Variants in LRRC53 observed in about 807,000 individuals in gnomAD.
LRRC53 encodes leucine-rich repeat-containing protein 53.
LRRC53 carries 25 observed loss-of-function variants against 13.6 expected under a neutral mutation model. The ratio of observed to expected loss-of-function variants is 1.83; its 90% CI spans 1.34 to 2.56. The LOEUF (loss-of-function observed/expected upper bound fraction) is 2.56. Ranked by LOEUF, LRRC53 falls within the 30% of genes most tolerant of loss-of-function variation. The pLI, the probability that LRRC53 is intolerant of heterozygous loss-of-function variation, is 0.00. For missense variants in LRRC53, 527 were observed against 275.8 expected, an observed-to-expected ratio of 1.91 and a Z score of -6.45; for synonymous variants, 204 against 109.8, an observed-to-expected ratio of 1.86 and a Z score of -5.37.
intron 2 of LRRC53, among the ~76,000 whole-genome samples, chr1:74,483,021 T>C (rs1668581347): frequency 6.6e-6 from 1 of 152,238 alleles, no homozygotes; most frequent in Admixed American, 6.5e-5. Context: ...AAAATGGTGA[T>C]ATTCTTTTGC....
At chr1:74,482,534 A>G (rs934439175) in intron 2 of LRRC53, among the ~76,000 whole-genome samples, 1 of 152,212 alleles carries the variant, frequency 6.6e-6, no homozygotes, top group African/African-American at 2.4e-5. Flanking sequence ...GATGGTGACA[A>G]CATCTACCTC....
rs774973145 is a variant in LRRC53 at position 74,504,900 on chromosome 1, A to C, written c.-27+7626T>G. ...CCTCTTCAAGCGTTTTGTAATACTAATTAACTAATTCCCAGCCACATGAAG... is the reference window on the plus strand; with the variant it reads ...CCTCTTCAAGCGTTTTGTAATACTACTTAACTAATTCCCAGCCACATGAAG... On this transcript the variant is annotated intron_variant, in intron 1 of 4. Coordinates refer to ENST00000294635, the MANE Select transcript of LRRC53 (RefSeq NM_001382280.1). 1.6e-4 allele frequency among the ~76,000 whole-genome samples: 25 copies of C among 152,300 alleles called. 1 individual carries two copies. The highest frequency in any genetic ancestry group is 3.4e-3 in the Middle Eastern group (1 of 294).
the LRRC53 span, among the ~76,000 whole-genome samples, chr1:74,526,221 G>A: frequency 4.6e-5 from 7 of 152,240 alleles, no homozygotes; most frequent in Admixed American, 3.9e-4. Flanking sequence ...GCAGGGATGT[G>A]AATTCACACA....
intron 1 of LRRC53, among the ~76,000 whole-genome samples, chr1:74,493,230 T>C (rs1038565913): frequency 6.6e-6 from 1 of 152,164 alleles, no homozygotes; most frequent in Non-Finnish European, 1.5e-5. Flanking sequence ...TGGGAGTAAA[T>C]GCTTAATTGT....
At chr1:74,493,254 T>C (rs898643763) in intron 1 of LRRC53, among the ~76,000 whole-genome samples, 8 of 152,152 alleles carry the variant, frequency 5.3e-5, no homozygotes, top group Admixed American at 1.3e-4. Flanking sequence ...CCAGTTTTAT[T>C]TGGGGCTGAT....
In LRRC53 at chr1:74,471,564, G is replaced by T. The variant is rs1452934149; in HGVS notation, c.2058C>A (p.Asn686Lys). 28 of 400,426 alleles carry T rather than the reference G, an allele frequency of 7.0e-5. No individual in the cohort carries two copies. The highest frequency in any genetic ancestry group is 2.2e-5 in the Non-Finnish European group (5 of 226,166). 24.8% of individuals were successfully genotyped at this position (400,426 alleles called of 1,614,324 possible). The change falls in exon 5 of 5, where the codon AAC becomes AAA. Residue 686 changes from asparagine (N) to lysine (K), a missense_variant. Physicochemically the swap from Asn to Lys is moderately conservative, Grantham distance 94 (BLOSUM62 0). Coordinates refer to ENST00000294635, the MANE Select transcript of LRRC53 (RefSeq NM_001382280.1). ...AATTAGTAAACCATTTTTCTCCTTT[G>T]TTTCTCTCCCCAGTGTTGCTAAATT... is the stretch of plus-strand genomic sequence containing the variant. ...VKKFSNTGERNKGEKWFTNSW... is the reference protein window; with the variant it reads ...VKKFSNTGERKKGEKWFTNSW...
intron 1 of LRRC53, among the ~76,000 whole-genome samples, chr1:74,509,998 C>T (rs1457654431): frequency 6.6e-6 from 1 of 152,054 alleles, no homozygotes; most frequent in East Asian, 1.9e-4. Context: ...AAGCGATCTG[C>T]TTGCTTTCCA....
chr1:74,530,365 T>A, the LRRC53 span, among the ~76,000 whole-genome samples: 1 of 152,234 alleles, frequency 6.6e-6, no homozygotes, highest in African/African-American at 2.4e-5. Context: ...AACTGGGTTA[T>A]CTTGGGTAAG....
chr1:74,484,807 G>A (rs566790324), intron 1 of LRRC53, among the ~76,000 whole-genome samples: 105 of 152,252 alleles, frequency 6.9e-4, no homozygotes, highest in African/African-American at 2.4e-3. Context: ...GGAAGTAATT[G>A]GAGGCTATAG....
At chr1:74,472,566 A>G (rs1236236067) in intron 4 of LRRC53, among the ~76,000 whole-genome samples, 1 of 152,080 alleles carries the variant, frequency 6.6e-6, no homozygotes, top group Non-Finnish European at 1.5e-5. Context: ...TTCATTTCCC[A>G]TTTGCAACTT....
At chr1:74,482,541 C>A (rs1668559442) in intron 2 of LRRC53, among the ~76,000 whole-genome samples, 1 of 152,144 alleles carries the variant, frequency 6.6e-6, no homozygotes. Context: ...ACAACATCTA[C>A]CTCCTAATTA....
chr1:74,537,007 A>T, the LRRC53 span, among the ~76,000 whole-genome samples: 2 of 152,104 alleles, frequency 1.3e-5, no homozygotes, highest in African/African-American at 4.8e-5. Flanking sequence ...GTTTTGTTTG[A>T]CCTGGCATGG....
At chr1:74,500,713 C>T (rs1224472944) in intron 1 of LRRC53, among the ~76,000 whole-genome samples, 1 of 146,216 alleles carries the variant, frequency 6.8e-6, no homozygotes, top group African/African-American at 2.5e-5. Context: ...CTTATCTTCC[C>T]TCTTTTTTAA....
rs974312337 is a variant in LRRC53 at position 74,469,682 on chromosome 1, G to A, written c.*196C>T. On this transcript the variant is annotated 3_prime_UTR_variant, in exon 5 of 5. Coordinates refer to ENST00000294635, the MANE Select transcript of LRRC53 (RefSeq NM_001382280.1). Reference sequence around the variant, plus strand: ...GCATACTCAGTTAATTGTGTCAGACGTATCCTATGACTCCATCTTTGATTT... The same window carrying A: ...GCATACTCAGTTAATTGTGTCAGACATATCCTATGACTCCATCTTTGATTT... 8 of 377,176 alleles carry A rather than the reference G, an allele frequency of 2.1e-5. No individual in the cohort carries two copies. The highest frequency in any genetic ancestry group is 3.8e-5 in the East Asian group (1 of 26,606). The allele number at this position is 377,176 out of a possible 1,614,324, so 23.4% of individuals were successfully genotyped here. A position where few individuals can be genotyped will look rare whatever the true frequency, so the allele number is the denominator to read the frequency against.
At chr1:74,491,890 A>G (rs941130181) in intron 1 of LRRC53, among the ~76,000 whole-genome samples, 2 of 152,216 alleles carry the variant, frequency 1.3e-5, no homozygotes, top group Non-Finnish European at 2.9e-5. Context: ...GCCAGCTCTC[A>G]GCACAGAACT....
At chr1:74,478,155 G>A (rs1222744715) in intron 3 of LRRC53, among the ~76,000 whole-genome samples, 1 of 152,140 alleles carries the variant, frequency 6.6e-6, no homozygotes, top group Non-Finnish European at 1.5e-5. Context: ...CACCACACGT[G>A]TGCTTCAGAA....
chr1:74,498,709 C>T (rs1304547147), intron 1 of LRRC53, among the ~76,000 whole-genome samples: 1 of 152,068 alleles, frequency 6.6e-6, no homozygotes, highest in Non-Finnish European at 1.5e-5. Context: ...ACTAGATATT[C>T]CACTACTTTT....
chr1:74,484,963 G>A (rs556524800), intron 1 of LRRC53, among the ~76,000 whole-genome samples: 1 of 152,126 alleles, frequency 6.6e-6, no homozygotes, highest in East Asian at 1.9e-4. Context: ...GTGGTGTAGA[G>A]AAGGATGAGA....
the LRRC53 span, among the ~76,000 whole-genome samples, chr1:74,528,576 G>A: frequency 6.6e-6 from 1 of 152,172 alleles, no homozygotes; most frequent in Non-Finnish European, 1.5e-5. Context: ...TTAGGATAAT[G>A]GGAGCTAGGT....
Sources: allele counts gnomAD v4.1 joint callset (sites outside exome capture counted in the v4.1 genomes callset), GRCh38; gene constraint gnomAD v4.1.1; transcripts MANE v1.5; gene names NCBI Gene and HGNC (gene_info 2026-07-23, HGNC 2026-07-21).